Variants in ZDHHC11 observed in about 807,000 individuals in gnomAD.
ZDHHC11 encodes the protein palmitoyltransferase ZDHHC11.
In ZDHHC11, 44 loss-of-function variants were observed where a neutral mutation model predicts 51.3. The ratio of observed to expected loss-of-function variants is 0.86; its 90% CI spans 0.67 to 1.10. The LOEUF (loss-of-function observed/expected upper bound fraction) is 1.10, where lower values mean the gene tolerates loss of function less well. Ranked by LOEUF, ZDHHC11 falls within the 50% of genes least tolerant of loss-of-function variation. ZDHHC11 has a pLI of 0.00. For synonymous variants in ZDHHC11, 163 were observed against 222.0 expected (o/e 0.73, Z 2.36); for missense variants, 400 against 537.7 (o/e 0.74, Z 2.53).
At chr5:797,703 T>C (rs570962071) in intron 12 of ZDHHC11, among the ~76,000 whole-genome samples, 122 of 151,798 alleles carry the variant, frequency 8.0e-4, no homozygotes, top group African/African-American at 2.8e-3. Context: ...TTTCTTCATG[T>C]TTTGGTCTGC....
chr5:846,741 T>C lies in ZDHHC11; in HGVS notation c.503+773A>G, dbSNP rs1746250626. Among the ~76,000 whole-genome samples, 4 of 140,306 alleles carry C rather than the reference T, an allele frequency of 2.9e-5. No individual in the cohort carries two copies. In the South Asian group the frequency reaches 9.3e-4, roughly 33 times the overall value. The allele number at this position is 140,306 out of a possible 152,430, so 92.0% of individuals were successfully genotyped here. The stretch of plus-strand genomic sequence containing the variant: ...CCACCATGCTCAGGGGAAACACCTC[T>C]CGTTCTTGAGCCTCCACCGTGCTCA... On this transcript the variant is annotated intron_variant, in intron 3 of 12. Coordinates refer to ENST00000283441, the MANE Select transcript of ZDHHC11 (RefSeq NM_024786.3).
chr5:856,290 A>AAC (rs745349188), intron 1 of ZDHHC11, among the ~76,000 whole-genome samples: 1 of 146,104 alleles, frequency 6.8e-6, no homozygotes, highest in Admixed American at 6.6e-5. Flanking sequence ...CACAAAACAC[A>AAC]ACACACACAC....
At chr5:857,046 T>C (rs1748362025) in intron 1 of ZDHHC11, among the ~76,000 whole-genome samples, 1 of 149,436 alleles carries the variant, frequency 6.7e-6, no homozygotes, top group South Asian at 2.1e-4. Context: ...CAACACACAA[T>C]GCTCACACTC....
chr5:819,502 C>T, intron 10 of ZDHHC11, 23 bp downstream of exon 10: 1 of 1,604,504 alleles, frequency 6.2e-7, no homozygotes, highest in Non-Finnish European at 8.5e-7. Flanking sequence ...TCCTCGGGGA[C>T]AGCGCCAGTG....
At chr5:840,186 C>G in intron 5 of ZDHHC11, 1 of 680,218 alleles carries the variant, frequency 1.5e-6, no homozygotes, top group Non-Finnish European at 2.7e-6. Context: ...ATTCCATTGT[C>G]TCTGAACATT....
At chr5:828,042 G>C (rs1479680407) in intron 7 of ZDHHC11, among the ~76,000 whole-genome samples, 8 of 151,320 alleles carry the variant, frequency 5.3e-5, no homozygotes, top group African/African-American at 1.9e-4. Context: ...GTTTCAGAGA[G>C]CACAGGGTTG....
chr5:833,743 C>A (rs1473848981), intron 7 of ZDHHC11, 30 bp downstream of exon 7: 3 of 1,256,266 alleles, frequency 2.4e-6, no homozygotes, highest in Non-Finnish European at 3.4e-6. Flanking sequence ...TTCAGAAGGA[C>A]CAAGCTACTG....
intron 10 of ZDHHC11, among the ~76,000 whole-genome samples, chr5:818,246 G>A (rs1319996784): frequency 2.0e-5 from 3 of 151,442 alleles, no homozygotes; most frequent in Non-Finnish European, 4.4e-5. Context: ...GACGATTGCA[G>A]GCAGAGAAAA....
chr5:840,645 T>G lies in ZDHHC11; in HGVS notation c.634A>C (p.Lys212Gln), dbSNP rs747539332. Residue 212 changes from lysine to glutamine, a missense_variant, in exon 5 of 13, where the codon AAG (lysine) becomes CAG (glutamine). Transcript: ENST00000283441. ...LRTDPRYEDV[K>Q]NMNTWLLFLP... is the part of the protein sequence containing the mutation. ...AACAGCAGCCACGTGTTCATATTCT[T>G]GACATCTGGGGAGACAAGGGAGAGC... The G allele has an allele frequency of 6.2e-7, 1 of 1,613,780 alleles. No homozygotes were observed.
intron 9 of ZDHHC11, 37 bp from the exon 10 acceptor site, chr5:819,649 G>C (rs1281817889): frequency 6.3e-7 from 1 of 1,592,940 alleles, no homozygotes; most frequent in Non-Finnish European, 8.6e-7. Context: ...ACACACCACA[G>C]TTTTGTAGGG....
chr5:846,513 T>TG (rs1264230781), intron 3 of ZDHHC11, among the ~76,000 whole-genome samples: 41 of 148,734 alleles, frequency 2.8e-4, no homozygotes, highest in African/African-American at 1.0e-3. Flanking sequence ...CCTCTCGTTC[T>TG]TGAGCCTCCA....
intron 3 of ZDHHC11, among the ~76,000 whole-genome samples, chr5:846,885 T>A (rs1288730306): frequency 1.9e-5 from 1 of 53,374 alleles, no homozygotes; most frequent in Admixed American, 1.6e-4. Flanking sequence ...CCATCCTCAG[T>A]GGAAACACCT....
chr5:821,991 C>G, intron 8 of ZDHHC11, 96 bp from the exon 9 acceptor site: 1 of 1,134,578 alleles, frequency 8.8e-7, no homozygotes, highest in Admixed American at 2.3e-5. Context: ...CTGACAGTCA[C>G]TTCTGAGTAA....
chr5:803,517 A>C (rs2150288154), intron 11 of ZDHHC11, among the ~76,000 whole-genome samples: 1 of 151,500 alleles, frequency 6.6e-6, no homozygotes, highest in Non-Finnish European at 1.5e-5. Flanking sequence ...GTCCCAGAGG[A>C]GGAGAAGCAC....
chr5:799,535 T>G (rs1239330082), intron 12 of ZDHHC11, among the ~76,000 whole-genome samples: 1 of 151,618 alleles, frequency 6.6e-6, no homozygotes, highest in African/African-American at 2.4e-5. Flanking sequence ...CTCCATTTGA[T>G]GCTCACATGG....
intron 3 of ZDHHC11, among the ~76,000 whole-genome samples, chr5:846,165 G>A (rs1160894981): frequency 1.3e-5 from 2 of 150,756 alleles, no homozygotes; most frequent in Non-Finnish European, 3.0e-5. Flanking sequence ...CTCGCTGTGC[G>A]GTCATGCAAC....
chr5:799,698 C>A, intron 12 of ZDHHC11, among the ~76,000 whole-genome samples: 1 of 148,392 alleles, frequency 6.7e-6, no homozygotes, highest in Middle Eastern at 3.5e-3. Flanking sequence ...TAGACTCAGG[C>A]GCTGTTCTAT....
In ZDHHC11 at chr5:814,757, T is replaced by C; in HGVS notation, c.1181+4A>G. 1 of 1,560,112 alleles carries C rather than the reference T, an allele frequency of 6.4e-7. No homozygotes were observed. The highest frequency in any genetic ancestry group is 8.7e-7 in the Non-Finnish European group (1 of 1,154,556). On this transcript the variant is annotated splice_donor_region_variant and intron_variant, in intron 11 of 12. Coordinates refer to ENST00000283441, the MANE Select transcript of ZDHHC11 (RefSeq NM_024786.3). ...AAACGTTCCCGTTAAACTTACGAAC[T>C]TACCCAAGTGTAGATATACTCGGGG...
chr5:843,420 G>GGCTGCTGGGC, intron 4 of ZDHHC11, 180 bp downstream of exon 4: 1 of 1,184,176 alleles, frequency 8.4e-7, no homozygotes, highest in Non-Finnish European at 1.2e-6. Flanking sequence ...GCGCGCTGGG[G>GGCTGCTGGGC]GCTGCTGGGC....
Sources: gnomAD v4.1 joint callset for allele counts (sites outside exome capture counted in the v4.1 genomes callset) on GRCh38, gnomAD v4.1.1 for gene constraint, MANE v1.5 for transcripts, NCBI Gene and HGNC (gene_info 2026-07-23, HGNC 2026-07-21) for gene names.